EPHA6: variants seen among roughly 807,000 people sequenced by gnomAD.
EPHA6 encodes the protein EPH receptor A6.
EPHA6 carries 50 observed loss-of-function variants against 112.0 expected under a neutral mutation model. That is an observed-to-expected ratio of 0.45 (90% confidence interval 0.36 to 0.56). The LOEUF (loss-of-function observed/expected upper bound fraction) is 0.56, where lower values mean the gene tolerates loss of function less well. Ranked by LOEUF, EPHA6 falls within the 20% of genes least tolerant of loss-of-function variation. The pLI, the probability that EPHA6 is intolerant of heterozygous loss-of-function variation, is 0.00. For missense variants in EPHA6, 1,280 were observed against 1,417.4 expected (o/e 0.90, Z 1.56); for synonymous variants, 529 against 490.7 (o/e 1.08, Z -1.03).
intron 4 of EPHA6, among the ~76,000 whole-genome samples, chr3:97,227,918 T>TA (rs757895770): frequency 1.3e-5 from 2 of 152,152 alleles, no homozygotes; most frequent in South Asian, 4.1e-4. Flanking sequence ...GGTTAGTTGT[T>TA]ATGTCTAAAC....
chr3:97,508,985 T>C (rs867577140), intron 10 of EPHA6, among the ~76,000 whole-genome samples: 1 of 46,930 alleles, frequency 2.1e-5, no homozygotes, highest in East Asian at 4.8e-4. Context: ...CATCCCTGGC[T>C]TTTTTTTTTT....
chr3:97,454,645 C>A (rs993015727), intron 7 of EPHA6, among the ~76,000 whole-genome samples: 3 of 151,778 alleles, frequency 2.0e-5, no homozygotes, highest in Non-Finnish European at 2.9e-5. Flanking sequence ...AATTTGGGGG[C>A]ACATTTTAGG....
chr3:97,659,149 G>T (rs1384534945), intron 14 of EPHA6, among the ~76,000 whole-genome samples: 1 of 151,822 alleles, frequency 6.6e-6, no homozygotes, highest in Non-Finnish European at 1.5e-5. Flanking sequence ...TCCCATAGTG[G>T]ACTTTAATCT....
chr3:97,610,961 T>TGAA, intron 13 of EPHA6, 107 bp downstream of exon 13: 5 of 918,854 alleles, frequency 5.4e-6, no homozygotes, highest in Non-Finnish European at 6.7e-6. Context: ...GGATTTTCTG[T>TGAA]GAAGAATAGC....
intron 15 of EPHA6, among the ~76,000 whole-genome samples, chr3:97,720,736 T>A (rs1228016332): frequency 6.6e-6 from 1 of 152,226 alleles, no homozygotes; most frequent in Admixed American, 6.5e-5. Context: ...TGTTTACTTT[T>A]CGTTTCTTCC....
At chr3:97,529,191 G>C (rs977081525) in intron 10 of EPHA6, among the ~76,000 whole-genome samples, 2 of 152,060 alleles carry the variant, frequency 1.3e-5, no homozygotes, top group Non-Finnish European at 2.9e-5. Context: ...TACAAGCATG[G>C]ACTCTGAAAC....
rs527977156 is a variant in EPHA6, at chr3:97,607,470, G to A, written c.2513-3323G>A. Among the ~76,000 whole-genome samples, 27 of 151,006 alleles carry A rather than the reference G, an allele frequency of 1.8e-4. No individual in the cohort carries two copies. In the South Asian group the frequency reaches 4.4e-3, roughly 24 times the overall value. ...TGATAAGGGGTTTTTGCAATCCATC[G>A]TCTCCAGAATATCAGTAACTGATTT... On this transcript the variant is annotated intron_variant, in intron 12 of 17. Transcript: ENST00000389672.
At chr3:97,145,359 A>T (rs916658538) in intron 3 of EPHA6, among the ~76,000 whole-genome samples, 4 of 151,118 alleles carry the variant, frequency 2.6e-5, no homozygotes, top group African/African-American at 7.3e-5. Flanking sequence ...TTTCTGCTTG[A>T]CCCAAATGGG....
At chr3:97,062,019 A>G (rs2046037887) in intron 3 of EPHA6, among the ~76,000 whole-genome samples, 1 of 152,210 alleles carries the variant, frequency 6.6e-6, no homozygotes. Flanking sequence ...AGTAGAAGAG[A>G]GAAAGGAGGT....
intron 11 of EPHA6, among the ~76,000 whole-genome samples, chr3:97,585,091 G>A (rs2093475831): frequency 6.6e-6 from 1 of 152,094 alleles, no homozygotes; most frequent in African/African-American, 2.4e-5. Flanking sequence ...TATAAGCAGA[G>A]GCAAAACCAC....
chr3:97,154,482 T>G (rs2076244641), intron 3 of EPHA6, among the ~76,000 whole-genome samples: 2 of 152,146 alleles, frequency 1.3e-5, no homozygotes, highest in African/African-American at 2.4e-5. Flanking sequence ...CATATTTTTA[T>G]GATTCAAACA....
At chr3:97,518,343 G>A (rs1021080268) in intron 10 of EPHA6, among the ~76,000 whole-genome samples, 14 of 151,990 alleles carry the variant, frequency 9.2e-5, no homozygotes, top group Admixed American at 7.9e-4. Flanking sequence ...GTTATAGTGA[G>A]CATTTTTTAT....
At chr3:97,342,422 A>T (rs2083350738) in intron 5 of EPHA6, among the ~76,000 whole-genome samples, 1 of 152,190 alleles carries the variant, frequency 6.6e-6, no homozygotes, top group East Asian at 1.9e-4. Context: ...ACCCAAGCTT[A>T]GTCCAGGCAG....
intron 11 of EPHA6, among the ~76,000 whole-genome samples, chr3:97,543,497 G>A (rs1577717140): frequency 6.6e-6 from 1 of 152,274 alleles, no homozygotes; most frequent in African/African-American, 2.4e-5. Flanking sequence ...GGTTACTGTA[G>A]CCTTGTAGTA....
chr3:97,488,614 C>T (rs2091757490), intron 10 of EPHA6, among the ~76,000 whole-genome samples: 1 of 152,120 alleles, frequency 6.6e-6, no homozygotes, highest in Non-Finnish European at 1.5e-5. Flanking sequence ...TGTAGCATGA[C>T]AATGACAAAT....
intron 6 of EPHA6, among the ~76,000 whole-genome samples, chr3:97,424,755 G>A (rs952407375): frequency 8.1e-5 from 12 of 147,244 alleles, no homozygotes; most frequent in East Asian, 6.0e-4. Flanking sequence ...GCAGTGAGCC[G>A]AGACCACGCC....
intron 2 of EPHA6, among the ~76,000 whole-genome samples, chr3:96,879,629 T>A (rs2037190496): frequency 6.6e-6 from 1 of 152,170 alleles, no homozygotes; most frequent in Non-Finnish European, 1.5e-5. Context: ...TACTGGTTCT[T>A]CCCATCCATG....
At chr3:97,557,310 G>T (rs1001335302) in intron 11 of EPHA6, among the ~76,000 whole-genome samples, 7 of 151,902 alleles carry the variant, frequency 4.6e-5, no homozygotes, top group Non-Finnish European at 2.9e-5. Context: ...ATTTGTAAAA[G>T]CACCTGATTA....
chr3:96,928,103 G>A (rs779888059), intron 2 of EPHA6, among the ~76,000 whole-genome samples: 4 of 152,172 alleles, frequency 2.6e-5, no homozygotes, highest in Admixed American at 1.3e-4. Flanking sequence ...ATCACCTCTC[G>A]CCAGGTCCTT....
Sources: gnomAD v4.1 joint callset for allele counts (sites outside exome capture counted in the v4.1 genomes callset) on GRCh38, gnomAD v4.1.1 for gene constraint, MANE v1.5 for transcripts, NCBI Gene and HGNC (gene_info 2026-07-23, HGNC 2026-07-21) for gene names.